Variants in MN1 observed in about 807,000 individuals in gnomAD.
MN1 encodes the protein MN1 proto-oncogene, transcriptional regulator, also known as transcriptional activator MN1.
In MN1, 19 loss-of-function variants were observed where a neutral mutation model predicts 86.9. The observed-to-expected ratio is 0.22, with a 90% CI of 0.15 to 0.32. The LOEUF (loss-of-function observed/expected upper bound fraction) is 0.32, where lower values mean the gene tolerates loss of function less well. Ranked by LOEUF, MN1 falls within the 10% of genes least tolerant of loss-of-function variation. The pLI, the probability that MN1 is intolerant of heterozygous loss-of-function variation, is 1.00. For synonymous variants in MN1, 928 were observed against 849.6 expected, an observed-to-expected ratio of 1.09 and a Z score of -1.60; for missense variants, 1,841 against 1,862.0, an observed-to-expected ratio of 0.99 and a Z score of 0.21.
In MN1 at chr22:27,800,210, G is replaced by A; in HGVS notation, c.334C>T (p.Pro112Ser). ...PGSHHPHQHH[P>S]HFGGNFGGPD... ...CCACCGAAGTTGCCCCCAAAGTGGG[G>A]GTGATGCTGGTGGGGATGATGACTT... is the stretch of plus-strand genomic sequence containing the variant. The change falls in exon 1 of 2, where the codon CCC (proline) becomes TCC (serine). Residue 112 changes from proline (P) to serine (S), a missense_variant. Physicochemically the swap from Pro to Ser is moderately conservative, Grantham distance 74 (BLOSUM62 -1). Transcript: ENST00000302326. 1 of 1,571,878 alleles carries A rather than the reference G, an allele frequency of 6.4e-7. No individual in the cohort carries two copies. Among genetic ancestry groups the A allele is most frequent in the Non-Finnish European group, 8.6e-7 (1 of 1,160,550 alleles).
rs1933438458 is a variant in MN1 at position 27,801,366 on chromosome 22, G to A, written c.-823C>T. On this transcript the variant is annotated 5_prime_UTR_variant, in exon 1 of 2. Coordinates refer to ENST00000302326, the MANE Select transcript of MN1 (RefSeq NM_002430.3). ...GGCGCGCAGCTTCGCGGCCACGTCC[G>A]CCGCCTGCCGCTTCTGTTCTCCGCC... 1 of 198,584 alleles carries A rather than the reference G, an allele frequency of 5.0e-6. No homozygotes were observed. The highest frequency in any genetic ancestry group is 6.7e-5 in the East Asian group (1 of 14,916). 12.3% of individuals were successfully genotyped at this position (198,584 alleles called of 1,614,324 possible).
chr22:27,751,446 G>C (rs2123873515), intron 1 of MN1, among the ~76,000 whole-genome samples: 1 of 152,268 alleles, frequency 6.6e-6, no homozygotes, highest in African/African-American at 2.4e-5. Context: ...GCTTCCTGGA[G>C]GAGGGGCATC....
rs1216829399 is a variant in MN1, at chr22:27,796,828, G to A, written c.3716C>T (p.Ala1239Val). 7 of 1,611,902 alleles carry A rather than the reference G, an allele frequency of 4.3e-6. No homozygotes were observed. Among genetic ancestry groups the A allele is most frequent in the East Asian group, 2.2e-5 (1 of 44,884 alleles). Residue 1239 changes from alanine (A) to valine (V), a missense_variant, in exon 1 of 2, where the codon GCG becomes GTG. Ala to Val is a moderately conservative substitution (Grantham distance 64, BLOSUM62 0). Coordinates refer to ENST00000302326, the MANE Select transcript of MN1 (RefSeq NM_002430.3). ...MPADKALVDS[A>V]DDDKTLAPWE... ...GGGCGCCAACGTCTTGTCGTCGTCC[G>A]CGCTGTCCACCAGGGCCTTGTCAGC...
intron 1 of MN1, among the ~76,000 whole-genome samples, chr22:27,762,400 A>C (rs1932840767): frequency 2.0e-5 from 3 of 152,254 alleles, no homozygotes; most frequent in African/African-American, 7.2e-5. Flanking sequence ...CAAAGTGCTT[A>C]GCACAGTGCC....
chr22:27,797,546 G>T lies in MN1; in HGVS notation c.2998C>A (p.Pro1000Thr), dbSNP rs777067619. The T allele has an allele frequency of 6.2e-7, 1 of 1,608,142 alleles. No individual in the cohort carries two copies. The highest frequency in any genetic ancestry group is 1.1e-5 in the South Asian group (1 of 90,648). The part of the protein sequence containing the change: ...SAGETRGAPT[P>T]HEKALTSPSW... ...GGCGACGTGAGCGCCTTTTCGTGGGGCGTCGGTGCCCCGCGCGTCTCGCCT... is the reference window on the plus strand; with the variant it reads ...GGCGACGTGAGCGCCTTTTCGTGGGTCGTCGGTGCCCCGCGCGTCTCGCCT... Residue 1000 changes from proline (P) to threonine (T), a missense_variant, in exon 1 of 2, where the codon CCC becomes ACC. Coordinates refer to ENST00000302326, the MANE Select transcript of MN1 (RefSeq NM_002430.3).
chr22:27,799,532 T>C lies in MN1; in HGVS notation c.1012A>G (p.Met338Val). 2 of 1,456,732 alleles carry C rather than the reference T, an allele frequency of 1.4e-6. No homozygotes were observed. The highest frequency in any genetic ancestry group is 1.8e-6 in the Non-Finnish European group (2 of 1,103,602). 90.2% of individuals were successfully genotyped at this position (1,456,732 alleles called of 1,614,324 possible). A position where few individuals can be genotyped will look rare whatever the true frequency, so the allele number is the denominator to read the frequency against. The change falls in exon 1 of 2, where the codon ATG becomes GTG. Residue 338 changes from methionine (M) to valine (V), a missense_variant. Met to Val is a conservative substitution (Grantham distance 21). Coordinates refer to ENST00000302326, the MANE Select transcript of MN1 (RefSeq NM_002430.3). Reference protein sequence around the residue: ...EPSVGSRHPLMQPPQQAPPPP... With the variant: ...EPSVGSRHPLVQPPQQAPPPP... ...GGCGGGGCCTGCTGGGGAGGCTGCA[T>C]TAACGGGTGCCTGGAGCCCACTGAG...
At chr22:27,756,462 C>T (rs1932802861) in intron 1 of MN1, among the ~76,000 whole-genome samples, 1 of 152,068 alleles carries the variant, frequency 6.6e-6, no homozygotes, top group Non-Finnish European at 1.5e-5. Flanking sequence ...CCACTGAGCC[C>T]CAGGGAAGGA....
At chr22:27,777,487 G>A (rs1338941614) in intron 1 of MN1, among the ~76,000 whole-genome samples, 2 of 150,630 alleles carry the variant, frequency 1.3e-5, no homozygotes, top group East Asian at 2.0e-4. Context: ...GAGCTATGAT[G>A]GTGCCCCTGC....
At position 27,748,347 on chromosome 22, in the gene MN1, G is replaced by A. The variant is rs1932716453; in HGVS notation, c.*2568C>T. 5.6e-6 allele frequency: 1 copy of A among 178,490 alleles called. No individual in the cohort carries two copies. Among genetic ancestry groups the A allele is most frequent in the Non-Finnish European group, 1.2e-5 (1 of 83,056 alleles). 11.1% of individuals were successfully genotyped at this position (178,490 alleles called of 1,614,324 possible). On this transcript the variant is annotated 3_prime_UTR_variant, in exon 2 of 2. Coordinates refer to ENST00000302326, the MANE Select transcript of MN1 (RefSeq NM_002430.3). ...CATATACAGGTATATACAATATGCA[G>A]GAATACAGAAGACTGCACTTTACAT...
At chr22:27,784,582 AAATAT>A (rs1250278133) in intron 1 of MN1, among the ~76,000 whole-genome samples, 4 of 152,200 alleles carry the variant, frequency 2.6e-5, no homozygotes, top group Non-Finnish European at 4.4e-5. Flanking sequence ...ATTAGGGGGA[AAATAT>A]AATATAAAAA....
At chr22:27,796,033 T>C (rs1933288650) in intron 1 of MN1, among the ~76,000 whole-genome samples, 1 of 152,154 alleles carries the variant, frequency 6.6e-6, no homozygotes. Context: ...ACAAATGATG[T>C]CCAAGCCGAC....
At chr22:27,760,687 C>A (rs924549002) in intron 1 of MN1, among the ~76,000 whole-genome samples, 1 of 152,178 alleles carries the variant, frequency 6.6e-6, no homozygotes, top group African/African-American at 2.4e-5. Context: ...GGCATCCCAC[C>A]GGGGCCACGC....
intron 1 of MN1, among the ~76,000 whole-genome samples, chr22:27,795,096 C>G (rs1933271292): frequency 6.6e-6 from 1 of 152,028 alleles, no homozygotes; most frequent in Admixed American, 6.6e-5. Flanking sequence ...AGCTGAGGGT[C>G]CCAAACTAAC....
Position 27,799,031 on chromosome 22 carries a change from T to G in MN1, c.1513A>C (p.Ser505Arg), listed in dbSNP as rs1395848975. Reference sequence around the variant, plus strand: ...TGCAGGGGCGGCCCCGAAGGGAAGCTGTCGGGCACAGGCGGTGTGAACTCG... The same window carrying G: ...TGCAGGGGCGGCCCCGAAGGGAAGCGGTCGGGCACAGGCGGTGTGAACTCG... ...PGEFTPPVPD[S>R]FPSGPPLQHP... Residue 505 changes from serine to arginine, a missense_variant, in exon 1 of 2, where the codon AGC becomes CGC. Ser to Arg is a moderately radical substitution (Grantham distance 110, BLOSUM62 -1). Transcript: ENST00000302326. 1 of 1,612,046 alleles carries G rather than the reference T, an allele frequency of 6.2e-7. No homozygotes were observed.
Position 27,800,585 on chromosome 22 carries a change from C to T in MN1, c.-42G>A, listed in dbSNP as rs528101363. On this transcript the variant is annotated 5_prime_UTR_variant, in exon 1 of 2. Coordinates refer to ENST00000302326, the MANE Select transcript of MN1 (RefSeq NM_002430.3). ...AGGGGGATCAATAGGGCATGACAGC[C>T]GGCTCTCCGCGGCGCGCCTCCGGCC... is the stretch of plus-strand genomic sequence containing the variant. The T allele has an allele frequency of 5.0e-6, 8 of 1,611,100 alleles. No homozygotes were observed. The Admixed American group carries it at 1.2e-4, about 24-fold the overall frequency.
intron 1 of MN1, among the ~76,000 whole-genome samples, chr22:27,788,225 C>T (rs553304372): frequency 6.6e-6 from 1 of 152,178 alleles, no homozygotes; most frequent in Non-Finnish European, 1.5e-5. Flanking sequence ...GAAAATACGC[C>T]GCACCCCAAT....
At chr22:27,767,963 A>G (rs1932882941) in intron 1 of MN1, among the ~76,000 whole-genome samples, 1 of 152,118 alleles carries the variant, frequency 6.6e-6, no homozygotes, top group African/African-American at 2.4e-5. Context: ...GGATGCAGAA[A>G]CAGGTTCAGA....
intron 1 of MN1, among the ~76,000 whole-genome samples, chr22:27,782,602 T>C (rs6005620): frequency 0.076 from 11,499 of 152,288 alleles, 1,264 homozygotes; most frequent in African/African-American, 0.24. Flanking sequence ...TTCTCTGTGT[T>C]AAGCAGGCTT....
chr22:27,770,196 A>G (rs1252969688), intron 1 of MN1, among the ~76,000 whole-genome samples: 1 of 152,182 alleles, frequency 6.6e-6, no homozygotes, highest in Non-Finnish European at 1.5e-5. Context: ...AGCTCCCACA[A>G]GCCTCAGCCA....
Sources: gnomAD v4.1 joint callset for allele counts (sites outside exome capture counted in the v4.1 genomes callset) on GRCh38, gnomAD v4.1.1 for gene constraint, MANE v1.5 for transcripts, NCBI Gene and HGNC (gene_info 2026-07-23, HGNC 2026-07-21) for gene names.